IMPACT: variants seen among roughly 807,000 people sequenced by gnomAD.
The protein encoded by IMPACT is protein IMPACT.
A neutral mutation model predicts 47.5 loss-of-function variants in IMPACT; 35 were observed. That is an observed-to-expected ratio of 0.74 (90% CI 0.56 to 0.98). IMPACT has a LOEUF of 0.98. IMPACT is among the 50% of genes least tolerant of loss of function. The pLI, the probability that IMPACT is intolerant of heterozygous loss-of-function variation, is 0.00. For missense variants in IMPACT, 373 were observed against 394.8 expected, an observed-to-expected ratio of 0.94 and a Z score of 0.47; for synonymous variants, 118 against 125.6, an observed-to-expected ratio of 0.94 and a Z score of 0.40.
intron 6 of IMPACT, among the ~76,000 whole-genome samples, chr18:24,441,736 T>G (rs1391107649): frequency 6.6e-6 from 1 of 152,148 alleles, no homozygotes; most frequent in Non-Finnish European, 1.5e-5. Flanking sequence ...TGTCCAGGAC[T>G]AGTAGAAGGG....
At chr18:24,432,703 C>A (rs1198330737) in intron 4 of IMPACT, among the ~76,000 whole-genome samples, 1 of 151,924 alleles carries the variant, frequency 6.6e-6, no homozygotes, top group Admixed American at 6.6e-5. Flanking sequence ...ATCTGCCCCC[C>A]CGATCCCCCA....
In IMPACT at chr18:24,453,119, A is replaced by C. The variant is rs910909762; in HGVS notation, c.*2272A>C. ...ATTACAAATAGTCTTCATATGCCAGAATATAAGAGCAAGTGTTATCTACTT... is the reference window on the plus strand; with the variant it reads ...ATTACAAATAGTCTTCATATGCCAGCATATAAGAGCAAGTGTTATCTACTT... On this transcript the variant is annotated 3_prime_UTR_variant, in exon 11 of 11. Transcript: ENST00000284202. The C allele has an allele frequency of 1.3e-5, 2 of 152,232 alleles. No individual in the cohort carries two copies. The highest frequency in any genetic ancestry group is 1.3e-4 in the Admixed American group (2 of 15,284). The allele number at this position is 152,232 out of a possible 1,614,324, so 9.4% of individuals were successfully genotyped here.
intron 5 of IMPACT, chr18:24,439,472 C>G (rs1298987593): frequency 6.6e-6 from 1 of 152,162 alleles, no homozygotes; most frequent in African/African-American, 2.4e-5. Context: ...CCCGTCTGTA[C>G]TAAAAATACA....
In IMPACT at chr18:24,449,735, A is replaced by G. The variant is rs557452418; in HGVS notation, c.760-84A>G. 105 of 1,269,472 alleles carry G rather than the reference A, an allele frequency of 8.3e-5. No individual in the cohort carries two copies. In the East Asian group the frequency reaches 2.5e-3, roughly 30 times the overall value. The allele number at this position is 1,269,472 out of a possible 1,614,324, so 78.6% of individuals were successfully genotyped here. A position where few individuals can be genotyped will look rare whatever the true frequency, so the allele number is the denominator to read the frequency against. ...GGAAATTTTATGTGCAATTTTATACATGGGTTATTTCATTCTCCTTTTTTA... is the reference window on the plus strand; with the variant it reads ...GGAAATTTTATGTGCAATTTTATACGTGGGTTATTTCATTCTCCTTTTTTA... On this transcript the variant is annotated intron_variant, in intron 9 of 10. Transcript: ENST00000284202.
intron 4 of IMPACT, among the ~76,000 whole-genome samples, chr18:24,433,400 CTTGT>C (rs1908815393): frequency 6.8e-6 from 1 of 147,548 alleles, no homozygotes; most frequent in Non-Finnish European, 1.5e-5. Context: ...GGGGTTTCAC[CTTGT>C]TAGCCAGGAT....
Position 24,430,396 on chromosome 18 carries a change from G to T in IMPACT, c.281+12G>T. The T allele has an allele frequency of 2.5e-6, 4 of 1,579,536 alleles. No homozygotes were observed. The highest frequency in any genetic ancestry group is 3.4e-6 in the Non-Finnish European group (4 of 1,162,836). ...GAGGAAATATATATGTAAGTGACAG[G>T]CGATTTTTTAAAATAATTCTGTTAG... is the stretch of plus-strand genomic sequence containing the variant. On this transcript the variant is annotated intron_variant, in intron 4 of 10. Coordinates refer to ENST00000284202, the MANE Select transcript of IMPACT (RefSeq NM_018439.4).
chr18:24,450,040 G>C, intron 10 of IMPACT, 87 bp downstream of exon 10: 3 of 1,384,234 alleles, frequency 2.2e-6, no homozygotes, highest in Admixed American at 3.4e-5. Context: ...GAATGAATCA[G>C]AATGTGAGTG....
chr18:24,443,063 G>C lies in IMPACT; in HGVS notation c.505G>C (p.Glu169Gln), dbSNP rs765140304. 5.7e-6 allele frequency: 9 copies of C among 1,579,012 alleles called. No individual in the cohort carries two copies. Among genetic ancestry groups the C allele is most frequent in the Middle Eastern group, 1.7e-4 (1 of 5,998 alleles). Residue 169 changes from glutamate to glutamine, a missense_variant, in exon 7 of 11, where the codon GAA becomes CAA. Glu to Gln is a conservative substitution (Grantham distance 29). Transcript: ENST00000284202. Reference protein sequence around the residue: ...SETRTEVEVEELPPIDHGIPI... With the variant: ...SETRTEVEVEQLPPIDHGIPI... The stretch of plus-strand genomic sequence containing the variant: ...TACATTTCTAGAAGTAGAAGTAGAA[G>C]AATTACCTCCGATTGATCATGGCAT...
intron 4 of IMPACT, among the ~76,000 whole-genome samples, chr18:24,433,184 C>A (rs58315133): frequency 3.7e-5 from 3 of 81,110 alleles, no homozygotes; most frequent in South Asian, 5.2e-4. Flanking sequence ...ACTTTTAAAA[C>A]TTTTTTTTTT....
intron 4 of IMPACT, among the ~76,000 whole-genome samples, chr18:24,434,797 GT>G (rs1908867537): frequency 1.0e-5 from 1 of 95,284 alleles, no homozygotes; most frequent in African/African-American, 4.2e-5. Context: ...ATATATATAT[GT>G]GTGTGTGTGT....
chr18:24,434,862 ATATATATGTG>A (rs1305495408), intron 4 of IMPACT, among the ~76,000 whole-genome samples: 2 of 130,892 alleles, frequency 1.5e-5, no homozygotes, highest in African/African-American at 6.4e-5. Context: ...ATATATGTGT[ATATATATGTG>A]TATATATATG....
intron 4 of IMPACT, 149 bp downstream of exon 4, chr18:24,430,533 AAGGTT>A (rs1599761023): frequency 4.1e-6 from 2 of 484,800 alleles, no homozygotes; most frequent in East Asian, 6.4e-5. Context: ...GAGACCTCGA[AAGGTT>A]AGTTATATAA....
chr18:24,451,047 G>A lies in IMPACT; in HGVS notation c.*200G>A, dbSNP rs569103387. The A allele has an allele frequency of 1.9e-4, 76 of 391,158 alleles. No homozygotes were observed. Among genetic ancestry groups the A allele is most frequent in the Admixed American group, 1.8e-4 (4 of 22,100 alleles). The allele number at this position is 391,158 out of a possible 1,614,324, so 24.2% of individuals were successfully genotyped here. A position where few individuals can be genotyped will look rare whatever the true frequency, so the allele number is the denominator to read the frequency against. On this transcript the variant is annotated 3_prime_UTR_variant, in exon 11 of 11. Coordinates refer to ENST00000284202, the MANE Select transcript of IMPACT (RefSeq NM_018439.4). ...TATGATCTATTCATGTGTGTTTCAGGCTTATTTGGGAGAACTAATTTGAAC... is the reference window on the plus strand; with the variant it reads ...TATGATCTATTCATGTGTGTTTCAGACTTATTTGGGAGAACTAATTTGAAC...
At position 24,440,602 on chromosome 18, in the gene IMPACT, C is replaced by T; in HGVS notation, c.474C>T (p.Ile158=). The T allele has an allele frequency of 6.2e-7, 1 of 1,612,918 alleles. No homozygotes were observed. Among genetic ancestry groups the T allele is most frequent in the Non-Finnish European group, 8.5e-7 (1 of 1,179,416 alleles). The change falls in exon 6 of 11, where the codon ATC becomes ATT. Residue 158 remains isoleucine (I), a synonymous_variant. Coordinates refer to ENST00000284202, the MANE Select transcript of IMPACT (RefSeq NM_018439.4). ...CGCTTAAAGCATTGGATTTTGATAT[C>T]AGTGAAACTCGGACAGGTATAATGT... ...ESSLKALDFD[I]SETRTEVEVE...
chr18:24,451,632 C>G lies in IMPACT; in HGVS notation c.*785C>G, dbSNP rs527502871. ...TAACATTCTCGTTTCTTTTAACAAC[C>G]TGGAAGTACCTTTCTTGTGATCTTC... is the stretch of plus-strand genomic sequence containing the variant. On this transcript the variant is annotated 3_prime_UTR_variant, in exon 11 of 11. Transcript: ENST00000284202. The G allele has an allele frequency of 6.6e-6, 1 of 152,140 alleles. No individual in the cohort carries two copies. The highest frequency in any genetic ancestry group is 2.4e-5 in the African/African-American group (1 of 41,424). 9.4% of individuals were successfully genotyped at this position (152,140 alleles called of 1,614,324 possible).
At chr18:24,438,626 CCAGCT>C (rs1909009336) in intron 5 of IMPACT, among the ~76,000 whole-genome samples, 1 of 152,032 alleles carries the variant, frequency 6.6e-6, no homozygotes, top group Non-Finnish European at 1.5e-5. Context: ...TGGTGTACTC[CCAGCT>C]ACTTTTAAAA....
intron 9 of IMPACT, 127 bp from the exon 10 acceptor site, chr18:24,449,692 C>T (rs1452157675): frequency 4.0e-6 from 3 of 754,468 alleles, no homozygotes; most frequent in East Asian, 5.4e-5. Flanking sequence ...TCATATGGCT[C>T]TACCATTAAA....
At chr18:24,430,435 G>T in intron 4 of IMPACT, 51 bp downstream of exon 4, 1 of 1,365,824 alleles carries the variant, frequency 7.3e-7, no homozygotes, top group Non-Finnish European at 1.0e-6. Flanking sequence ...TTGTATTGTG[G>T]GCTTTTGTTG....
chr18:24,449,579 A>G (rs1179316256), intron 9 of IMPACT, among the ~76,000 whole-genome samples: 1 of 152,044 alleles, frequency 6.6e-6, no homozygotes, highest in Non-Finnish European at 1.5e-5. Context: ...CAAATCTGGG[A>G]GTTTGAGGAC....
Sources: allele counts gnomAD v4.1 joint callset (sites outside exome capture counted in the v4.1 genomes callset), GRCh38; gene constraint gnomAD v4.1.1; transcripts MANE v1.5; gene names NCBI Gene and HGNC (gene_info 2026-07-23, HGNC 2026-07-21).